The following SLC44A3 variants were observed in gnomAD, a reference collection of about 807,000 sequenced individuals.
The protein encoded by SLC44A3 is solute carrier family 44 member 3.
A neutral mutation model predicts 75.4 loss-of-function variants in SLC44A3; 74 were observed. The ratio of observed to expected loss-of-function variants is 0.98; its 90% CI spans 0.81 to 1.19. The LOEUF is 1.19. SLC44A3 is among the 50% of genes most tolerant of loss of function. SLC44A3 has a pLI of 0.00. For missense variants in SLC44A3, 700 were observed against 778.6 expected (o/e 0.90, Z 1.20); for synonymous variants, 310 against 296.9 (o/e 1.04, Z -0.45).
Position 94,820,614 on chromosome 1 carries a change from G to A in SLC44A3, c.27+136G>A, listed in dbSNP as rs1241693690. 4.4e-6 allele frequency: 6 copies of A among 1,368,562 alleles called. No individual in the cohort carries two copies. The African/African-American group carries it at 6.0e-5, about 14-fold the overall frequency. The allele number at this position is 1,368,562 out of a possible 1,614,324, so 84.8% of individuals were successfully genotyped here. On this transcript the variant is annotated intron_variant, in intron 1 of 14. Coordinates refer to ENST00000271227, the MANE Select transcript of SLC44A3 (RefSeq NM_001114106.3). Reference sequence around the variant, plus strand: ...GATCCCGCCCCCGCTTAGTACCTTGGGGCCACCTGGCGGGGAGGAACCTGG... The same window carrying A: ...GATCCCGCCCCCGCTTAGTACCTTGAGGCCACCTGGCGGGGAGGAACCTGG...
rs915954745 is a variant in SLC44A3 at position 94,875,419 on chromosome 1, T to G, written c.1482+8002T>G. The stretch of plus-strand genomic sequence containing the variant: ...CCCCTCATAATAGCGGAATCTGGGG[T>G]CCAGAGGGTTTGAATGCCTCACCCA... On this transcript the variant is annotated intron_variant, in intron 12 of 14. Coordinates refer to ENST00000271227, the MANE Select transcript of SLC44A3 (RefSeq NM_001114106.3). 6.6e-4 allele frequency among the ~76,000 whole-genome samples: 101 copies of G among 152,144 alleles called. 1 individual carries two copies. Among genetic ancestry groups the G allele is most frequent in the African/African-American group, 2.4e-3 (99 of 41,508 alleles).
chr1:94,867,467 G>C (rs1241672424), intron 12 of SLC44A3, 50 bp downstream of exon 12: 6 of 1,472,328 alleles, frequency 4.1e-6, no homozygotes, highest in Non-Finnish European at 5.5e-6. Context: ...TCCAAAGGTG[G>C]GCTTCATCTC....
chr1:94,825,241 A>G (rs564468507), intron 3 of SLC44A3, among the ~76,000 whole-genome samples: 47 of 152,362 alleles, frequency 3.1e-4, no homozygotes, highest in African/African-American at 1.1e-3. Context: ...ATCCCTGACC[A>G]TGAACTTCTA....
At chr1:94,849,504 G>C (rs1224691851) in intron 9 of SLC44A3, among the ~76,000 whole-genome samples, 4 of 152,164 alleles carry the variant, frequency 2.6e-5, no homozygotes, top group Non-Finnish European at 4.4e-5. Context: ...CGGCTGGGCA[G>C]ATCAGCAGCT....
intron 12 of SLC44A3, among the ~76,000 whole-genome samples, chr1:94,882,420 C>T (rs1669104546): frequency 6.6e-6 from 1 of 152,154 alleles, no homozygotes; most frequent in African/African-American, 2.4e-5. Flanking sequence ...AGTAACAGCC[C>T]AGGCATTCCC....
chr1:94,876,256 TCAA>T (rs1359149280), intron 12 of SLC44A3, among the ~76,000 whole-genome samples: 1 of 152,228 alleles, frequency 6.6e-6, no homozygotes, highest in African/African-American at 2.4e-5. Flanking sequence ...TAGATTAGCT[TCAA>T]CGTTTCCCAA....
chr1:94,839,146 A>G (rs980040100), intron 6 of SLC44A3: 3 of 152,206 alleles, frequency 2.0e-5, no homozygotes, highest in Non-Finnish European at 2.9e-5. Flanking sequence ...CTGATTTCCT[A>G]TGTCGAAAAT....
rs1044696936 is a variant in SLC44A3 at position 94,872,091 on chromosome 1, A to G, written c.1482+4674A>G. 3.3e-5 allele frequency among the ~76,000 whole-genome samples: 5 copies of G among 152,042 alleles called. No individual in the cohort carries two copies. The South Asian group carries it at 1.0e-3, about 32-fold the overall frequency. ...ATGTTTTACTTCTGTTGAGTATTCC[A>G]TTTATTTTTTTATTTTTTATTTTTT... On this transcript the variant is annotated intron_variant, in intron 12 of 14. Coordinates refer to ENST00000271227, the MANE Select transcript of SLC44A3 (RefSeq NM_001114106.3).
Position 94,881,988 on chromosome 1 carries a change from C to T in SLC44A3, c.1483-9142C>T, listed in dbSNP as rs1317086772. On this transcript the variant is annotated intron_variant, in intron 12 of 14. Transcript: ENST00000271227. Reference sequence around the variant, plus strand: ...TGAGCTGAGATCGCACCACTGCATTCTAGCCTGGGTGAGAGAGCGAGACTC... The same window carrying T: ...TGAGCTGAGATCGCACCACTGCATTTTAGCCTGGGTGAGAGAGCGAGACTC... Among the ~76,000 whole-genome samples, 3 of 151,970 alleles carry T rather than the reference C, an allele frequency of 2.0e-5. No homozygotes were observed. The East Asian group carries it at 5.8e-4, about 29-fold the overall frequency.
Position 94,837,702 on chromosome 1 carries a change from T to A in SLC44A3, c.510-9T>A. 1 of 1,543,574 alleles carries A rather than the reference T, an allele frequency of 6.5e-7. No homozygotes were observed. The highest frequency in any genetic ancestry group is 8.7e-7 in the Non-Finnish European group (1 of 1,149,154). On this transcript the variant is annotated splice_polypyrimidine_tract_variant and intron_variant, in intron 5 of 14. Coordinates refer to ENST00000271227, the MANE Select transcript of SLC44A3 (RefSeq NM_001114106.3). Reference sequence around the variant, plus strand: ...AACATTTTTGCCATCTTTTTTTCTCTATTTTTAGCAAGTCATTTCCCTTAT... The same window carrying A: ...AACATTTTTGCCATCTTTTTTTCTCAATTTTTAGCAAGTCATTTCCCTTAT...
rs112934536 is a variant in SLC44A3 at position 94,849,615 on chromosome 1, G to A, written c.1072+4151G>A. ...AAGAGGCGCCAGGTGATCGGGTGGC[G>A]AGCCCGCTGCACAGTGCCCGATTGT... is the stretch of plus-strand genomic sequence containing the variant. On this transcript the variant is annotated intron_variant, in intron 9 of 14. Coordinates refer to ENST00000271227, the MANE Select transcript of SLC44A3 (RefSeq NM_001114106.3). Among the ~76,000 whole-genome samples, 1,112 of 152,288 alleles carry A rather than the reference G, an allele frequency of 7.3e-3. 17 individuals are homozygous for A. The highest frequency in any genetic ancestry group is 0.025 in the African/African-American group (1,044 of 41,558).
chr1:94,838,133 T>C (rs1050012978), intron 6 of SLC44A3, among the ~76,000 whole-genome samples: 1 of 152,116 alleles, frequency 6.6e-6, no homozygotes, highest in African/African-American at 2.4e-5. Context: ...TCACTGGGGA[T>C]GGGTATATAA....
intron 5 of SLC44A3, among the ~76,000 whole-genome samples, chr1:94,829,124 A>G (rs1661769400): frequency 1.3e-5 from 2 of 152,100 alleles, no homozygotes; most frequent in South Asian, 4.2e-4. Flanking sequence ...ATATACTAAA[A>G]ATACAAAAAT....
chr1:94,841,144 C>G (rs1445466044), intron 7 of SLC44A3, among the ~76,000 whole-genome samples: 2 of 152,276 alleles, frequency 1.3e-5, no homozygotes, highest in South Asian at 2.1e-4. Context: ...TGCTACTGTA[C>G]AGAATACGGT....
At chr1:94,891,059 C>A in intron 12 of SLC44A3, 71 bp from the exon 13 acceptor site, 1 of 1,363,892 alleles carries the variant, frequency 7.3e-7, no homozygotes, top group Non-Finnish European at 9.9e-7. Flanking sequence ...TGCAAACACT[C>A]TGTATTAATA....
chr1:94,881,620 C>T (rs950642748), intron 12 of SLC44A3, among the ~76,000 whole-genome samples: 4 of 150,778 alleles, frequency 2.7e-5, no homozygotes, highest in African/African-American at 7.3e-5. Flanking sequence ...AGGAGAATGG[C>T]GTGAACCCGG....
intron 8 of SLC44A3, among the ~76,000 whole-genome samples, chr1:94,844,885 G>A (rs1344270244): frequency 6.6e-6 from 1 of 152,160 alleles, no homozygotes; most frequent in Non-Finnish European, 1.5e-5. Flanking sequence ...ACAGAAGGTG[G>A]CTTTGAGTCT....
intron 12 of SLC44A3, among the ~76,000 whole-genome samples, chr1:94,884,633 A>G (rs911888227): frequency 2.6e-5 from 4 of 152,050 alleles, no homozygotes; most frequent in Non-Finnish European, 5.9e-5. Flanking sequence ...TTTGGCAAAT[A>G]CCTTCCCTCC....
chr1:94,853,949 TTTAAG>T (rs886969615), intron 9 of SLC44A3, among the ~76,000 whole-genome samples: 10 of 151,990 alleles, frequency 6.6e-5, no homozygotes, highest in African/African-American at 2.4e-4. Context: ...TCAATAAATG[TTTAAG>T]TTAATTTCAG....
Sources: allele counts gnomAD v4.1 joint callset (sites outside exome capture counted in the v4.1 genomes callset), GRCh38; gene constraint gnomAD v4.1.1; transcripts MANE v1.5; gene names NCBI Gene and HGNC (gene_info 2026-07-23, HGNC 2026-07-21).